The following NRG1 variants were observed in gnomAD, a reference collection of about 807,000 sequenced individuals.
The protein encoded by NRG1 is neuregulin 1, also known as pro-neuregulin-1, membrane-bound isoform.
In NRG1, 18 loss-of-function variants were observed where a neutral mutation model predicts 63.8. The ratio of observed to expected loss-of-function variants is 0.28; its 90% CI spans 0.19 to 0.42. The LOEUF is 0.42. Among genes scored for constraint, NRG1 ranks in the 10% least tolerant of loss-of-function variants. The probability of loss-of-function intolerance (pLI) is 1.00; values close to 1 mark genes in which losing one functional copy is unlikely to be tolerated. For synonymous variants in NRG1, 302 were observed against 301.3 expected (o/e 1.00, Z -0.02); for missense variants, 762 against 814.7 (o/e 0.94, Z 0.79).
chr8:32,112,266 A>T (rs1832128613), intron 1 of NRG1, among the ~76,000 whole-genome samples: 1 of 152,204 alleles, frequency 6.6e-6, no homozygotes, highest in Admixed American at 6.5e-5. Context: ...GTTTTGCTTC[A>T]TTCCTGATTT....
intron 1 of NRG1, among the ~76,000 whole-genome samples, chr8:31,814,535 T>C (rs968537676): frequency 2.6e-5 from 4 of 152,132 alleles, no homozygotes; most frequent in Non-Finnish European, 4.4e-5. Flanking sequence ...TAGAATCAGA[T>C]GAATAACTCT....
chr8:31,673,149 G>A (rs1002778702), intron 1 of NRG1, among the ~76,000 whole-genome samples: 5 of 151,822 alleles, frequency 3.3e-5, no homozygotes, highest in Non-Finnish European at 7.4e-5. Context: ...AATCAGCTAG[G>A]GTCTTTGTTA....
chr8:32,186,169 A>C (rs1366957959), intron 1 of NRG1, among the ~76,000 whole-genome samples: 1 of 152,178 alleles, frequency 6.6e-6, no homozygotes, highest in Non-Finnish European at 1.5e-5. Flanking sequence ...TTTCTCTTCT[A>C]AAATGAAACA....
At chr8:31,705,161 C>T (rs1811023721) in intron 1 of NRG1, among the ~76,000 whole-genome samples, 2 of 151,942 alleles carry the variant, frequency 1.3e-5, no homozygotes, top group Non-Finnish European at 2.9e-5. Context: ...CTCAGCCTTC[C>T]GAGTAGCTGG....
chr8:32,033,399 T>C (rs573430595), intron 1 of NRG1, among the ~76,000 whole-genome samples: 3 of 152,240 alleles, frequency 2.0e-5, no homozygotes, highest in Non-Finnish European at 4.4e-5. Flanking sequence ...CCAGGTTTGC[T>C]CTTTTTGCTT....
At chr8:32,754,578 A>C in intron 8 of NRG1, 104 bp downstream of exon 8, 1 of 977,522 alleles carries the variant, frequency 1.0e-6, no homozygotes, top group Non-Finnish European at 1.6e-6. Context: ...CTTGGGGATA[A>C]AAAAAAAAGG....
intron 1 of NRG1, among the ~76,000 whole-genome samples, chr8:31,921,928 T>A (rs930673153): frequency 1.7e-4 from 26 of 152,200 alleles, no homozygotes; most frequent in African/African-American, 5.8e-4. Context: ...TTTAAAAAAT[T>A]TTTTTAATTC....
chr8:31,988,183 T>C (rs1378126847), intron 1 of NRG1, among the ~76,000 whole-genome samples: 2 of 152,100 alleles, frequency 1.3e-5, no homozygotes, highest in African/African-American at 2.4e-5. Context: ...GACAAAATGG[T>C]ATTCACTGGC....
chr8:32,548,523 G>A (rs962270698), exon 1 of NRG1: 19 of 1,243,482 alleles, frequency 1.5e-5, no homozygotes, highest in Admixed American at 4.4e-5. Flanking sequence ...GCGAGCGCCC[G>A]TTCCAGGTGG....
intron 1 of NRG1, among the ~76,000 whole-genome samples, chr8:32,363,276 A>G (rs1807475984): frequency 6.6e-6 from 1 of 152,188 alleles, no homozygotes; most frequent in African/African-American, 2.4e-5. Context: ...GGGAAGAACA[A>G]TAGATGCCTC....
At chr8:32,505,158 C>A (rs1828370620) in intron 1 of NRG1, among the ~76,000 whole-genome samples, 1 of 152,064 alleles carries the variant, frequency 6.6e-6, no homozygotes, top group Non-Finnish European at 1.5e-5. Flanking sequence ...ACAGTAAATT[C>A]TTCTGGTAGC....
chr8:32,575,966 T>C (rs1338771258), intron 1 of NRG1, among the ~76,000 whole-genome samples: 1 of 152,190 alleles, frequency 6.6e-6, no homozygotes, highest in Non-Finnish European at 1.5e-5. Context: ...CTGATTAATA[T>C]GTGTTTTATT....
At chr8:32,277,647 C>G (rs1216101462) in intron 1 of NRG1, among the ~76,000 whole-genome samples, 2 of 152,136 alleles carry the variant, frequency 1.3e-5, no homozygotes, top group African/African-American at 4.8e-5. Flanking sequence ...TTTTGCCCCC[C>G]ATCAAGGGAT....
At chr8:32,328,033 G>A (rs543200380) in intron 1 of NRG1, among the ~76,000 whole-genome samples, 1 of 152,336 alleles carries the variant, frequency 6.6e-6, no homozygotes. Flanking sequence ...AACCATCTTA[G>A]ACCTTTTTGA....
At chr8:32,054,856 TTTCTTTC>T (rs1822600354) in intron 1 of NRG1, among the ~76,000 whole-genome samples, 1 of 81,034 alleles carries the variant, frequency 1.2e-5, no homozygotes. Flanking sequence ...AGCAGATTTC[TTTCTTTC>T]TTTTTTTTTT....
At chr8:32,480,028 A>G (rs542408600) in intron 1 of NRG1, among the ~76,000 whole-genome samples, 27 of 152,142 alleles carry the variant, frequency 1.8e-4, no homozygotes, top group Non-Finnish European at 3.4e-4. Context: ...AGATCTGTCA[A>G]ATAGACATCC....
At chr8:32,030,528 A>G (rs1437938436) in intron 1 of NRG1, 1 of 152,150 alleles carries the variant, frequency 6.6e-6, no homozygotes, top group Non-Finnish European at 1.5e-5. Context: ...AGCCTCTTTC[A>G]TATGTGAAAT....
At chr8:32,157,131 G>A (rs1838187369) in intron 1 of NRG1, among the ~76,000 whole-genome samples, 1 of 151,046 alleles carries the variant, frequency 6.6e-6, no homozygotes. Flanking sequence ...AGCACTTTGG[G>A]AAGCCAAGGC....
intron 1 of NRG1, among the ~76,000 whole-genome samples, chr8:32,121,122 G>A (rs1833390133): frequency 6.6e-6 from 1 of 152,010 alleles, no homozygotes; most frequent in African/African-American, 2.4e-5. Flanking sequence ...CATAAAAATA[G>A]GCAAGGCATG....
Sources: gnomAD v4.1 joint callset for allele counts (sites outside exome capture counted in the v4.1 genomes callset) on GRCh38, gnomAD v4.1.1 for gene constraint, MANE v1.5 for transcripts, NCBI Gene and HGNC (gene_info 2026-07-23, HGNC 2026-07-21) for gene names.